UVSSA: variants seen among roughly 807,000 people sequenced by gnomAD.
UVSSA encodes the protein UV-stimulated scaffold protein A.
UVSSA carries 72 observed loss-of-function variants against 73.9 expected under a neutral mutation model. The ratio of observed to expected loss-of-function variants is 0.97; its 90% CI spans 0.81 to 1.19. The LOEUF (loss-of-function observed/expected upper bound fraction) is 1.19. UVSSA is among the 50% of genes most tolerant of loss of function. The pLI is 0.00. For missense variants in UVSSA, 1,150 were observed against 965.0 expected (o/e 1.19, Z -2.54); for synonymous variants, 454 against 391.3 (o/e 1.16, Z -1.89).
At chr4:1,365,462 G>A (rs1230673180) in intron 7 of UVSSA, among the ~76,000 whole-genome samples, 1 of 152,226 alleles carries the variant, frequency 6.6e-6, no homozygotes, top group Non-Finnish European at 1.5e-5. Flanking sequence ...GTGGGCTCAA[G>A]GAACTGGCTT....
chr4:1,372,245 T>C (rs1461294363), intron 8 of UVSSA, among the ~76,000 whole-genome samples: 2 of 152,210 alleles, frequency 1.3e-5, no homozygotes, highest in East Asian at 1.9e-4. Flanking sequence ...AGACATCCAC[T>C]CCAGAGTCTG....
chr4:1,349,613 A>T lies in UVSSA; in HGVS notation c.188A>T (p.Gln63Leu), dbSNP rs1234292538. The T allele has an allele frequency of 3.7e-6, 6 of 1,614,082 alleles. No homozygotes were observed. Among genetic ancestry groups the T allele is most frequent in the Non-Finnish European group, 5.1e-6 (6 of 1,180,006 alleles). The change falls in exon 3 of 14, where the codon CAG becomes CTG. Residue 63 changes from glutamine to leucine, a missense_variant. Gln to Leu is a moderately radical substitution (Grantham distance 113). Coordinates refer to ENST00000389851, the MANE Select transcript of UVSSA (RefSeq NM_020894.4). ...GCCGAGATCCGTCTCTCAGCCTTCC[A>T]GATTGTGGAGGAACTCTTCGTCAGG... ...EHAEIRLSAF[Q>L]IVEELFVRSH...
At chr4:1,347,970 C>A in intron 1 of UVSSA, 120 bp from the exon 2 acceptor site, 1 of 794,806 alleles carries the variant, frequency 1.3e-6, no homozygotes, top group Admixed American at 2.2e-5. Flanking sequence ...CAGATGGACC[C>A]CAGCCTCAGG....
chr4:1,383,999 A>AG (rs1228780735), intron 13 of UVSSA, 59 bp downstream of exon 13: 2 of 1,524,562 alleles, frequency 1.3e-6, no homozygotes, highest in African/African-American at 1.4e-5. Context: ...AGGGTGTTCG[A>AG]GGGGGGCCAT....
At chr4:1,366,645 G>A (rs1412728958) in intron 8 of UVSSA, among the ~76,000 whole-genome samples, 2 of 152,224 alleles carry the variant, frequency 1.3e-5, no homozygotes, top group African/African-American at 2.4e-5. Flanking sequence ...GCTCCGTCTC[G>A]GGTTCTCGGG....
intron 3 of UVSSA, 74 bp from the exon 4 acceptor site, chr4:1,351,641 A>T: frequency 2.7e-6 from 4 of 1,497,496 alleles, no homozygotes; most frequent in Non-Finnish European, 3.7e-6. Context: ...TGCCTGCCTC[A>T]GCCTCCCAAA....
chr4:1,368,404 C>T lies in UVSSA; in HGVS notation c.1288+1973C>T, dbSNP rs141094661. On this transcript the variant is annotated intron_variant, in intron 8 of 13. Coordinates refer to ENST00000389851, the MANE Select transcript of UVSSA (RefSeq NM_020894.4). ...AGCAAGGCCAGAAGCGAAACTCAAA[C>T]GAGGTGACTTTCCCCAAAGAACAGA... 1.5e-3 allele frequency among the ~76,000 whole-genome samples: 228 copies of T among 152,362 alleles called. 1 individual carries two copies. Among genetic ancestry groups the T allele is most frequent in the Middle Eastern group, 6.8e-3 (2 of 294 alleles).
intron 8 of UVSSA, 44 bp from the exon 9 acceptor site, chr4:1,375,320 G>T (rs1325828272): frequency 1.2e-6 from 2 of 1,607,656 alleles, no homozygotes; most frequent in Admixed American, 3.3e-5. Context: ...GTGCCTGGCG[G>T]GTTGTGGGAG....
At chr4:1,394,477 T>A (rs1451344842) in exon 14 of UVSSA, 15 of 1,610,230 alleles carry the variant, frequency 9.3e-6, no homozygotes, top group Non-Finnish European at 1.3e-5. Flanking sequence ...AGTTTTTAAA[T>A]TTCAAATAGC....
Position 1,352,242 on chromosome 4 carries a change from C to T in UVSSA, c.550+407C>T, listed in dbSNP as rs1714885177. Reference sequence around the variant, plus strand: ...CAGTCAGCCTTTCTTGTGAGGGGCACCACGAGAGTGTGAGGAGGGGGTGCC... The same window carrying T: ...CAGTCAGCCTTTCTTGTGAGGGGCATCACGAGAGTGTGAGGAGGGGGTGCC... On this transcript the variant is annotated intron_variant, in intron 4 of 13. Coordinates refer to ENST00000389851, the MANE Select transcript of UVSSA (RefSeq NM_020894.4). Among the ~76,000 whole-genome samples, 8 of 152,220 alleles carry T rather than the reference C, an allele frequency of 5.3e-5. No homozygotes were observed. In the South Asian group the frequency reaches 1.4e-3, roughly 28 times the overall value.
intron 8 of UVSSA, among the ~76,000 whole-genome samples, chr4:1,369,304 C>G (rs890691109): frequency 2.0e-5 from 3 of 152,366 alleles, no homozygotes; most frequent in Admixed American, 6.5e-5. Context: ...CAGAGCTGCC[C>G]TCTGGGGTGC....
intron 4 of UVSSA, among the ~76,000 whole-genome samples, chr4:1,352,583 T>G (rs1239276488): frequency 6.6e-6 from 1 of 152,252 alleles, no homozygotes; most frequent in Admixed American, 6.5e-5. Context: ...GCACTCGTGC[T>G]TGCTACCCAG....
intron 7 of UVSSA, chr4:1,359,121 A>G (rs1438376949): frequency 6.6e-6 from 1 of 152,260 alleles, no homozygotes; most frequent in Non-Finnish European, 1.5e-5. Context: ...CTGTCTTCAG[A>G]AAATACTTAG....
At chr4:1,344,735 CAGTA>C (rs1157455422), upstream of UVSSA, among the ~76,000 whole-genome samples, 4 of 152,256 alleles carry the variant, frequency 2.6e-5, no homozygotes, top group African/African-American at 9.6e-5. Flanking sequence ...CCTAGTAAGA[CAGTA>C]AGTCTGTGTG....
chr4:1,353,231 C>A lies in UVSSA; in HGVS notation c.752C>A (p.Pro251His). The A allele has an allele frequency of 6.2e-7, 1 of 1,612,138 alleles. No individual in the cohort carries two copies. Among genetic ancestry groups the A allele is most frequent in the South Asian group, 1.1e-5 (1 of 91,052 alleles). ...CCTGACCCCCGGGACGGGGAGCAGC[C>A]CTGCTGCAGTAGAGACCTGCCTGCC... is the stretch of plus-strand genomic sequence containing the variant. ...GTPDPRDGEQPCCSRDLPASA... is the reference protein window; with the variant it reads ...GTPDPRDGEQHCCSRDLPASA... The change falls in exon 5 of 14, where the codon CCC becomes CAC. Residue 251 changes from proline to histidine, a missense_variant. By Grantham distance (77) the Pro-to-His change is moderately conservative. Coordinates refer to ENST00000389851, the MANE Select transcript of UVSSA (RefSeq NM_020894.4).
intron 7 of UVSSA, among the ~76,000 whole-genome samples, chr4:1,362,616 G>A (rs896045281): frequency 2.6e-5 from 4 of 152,166 alleles, no homozygotes; most frequent in African/African-American, 9.7e-5. Context: ...GAGCCCCCCC[G>A]CACCGGTGCC....
At chr4:1,343,806 T>C (rs1713514855), upstream of UVSSA, among the ~76,000 whole-genome samples, 1 of 152,192 alleles carries the variant, frequency 6.6e-6, no homozygotes, top group Admixed American at 6.5e-5. Context: ...AAAGTATTTA[T>C]AGAACTTTTC....
chr4:1,377,436 G>T (rs893994395), intron 10 of UVSSA, among the ~76,000 whole-genome samples: 3 of 152,200 alleles, frequency 2.0e-5, no homozygotes, highest in African/African-American at 7.2e-5. Context: ...GCCAGATTAG[G>T]GACAGTGTGA....
chr4:1,395,268 A>C, exon 14 of UVSSA: 1 of 1,559,178 alleles, frequency 6.4e-7, no homozygotes, highest in East Asian at 2.4e-5. Flanking sequence ...CCGCCTGCTC[A>C]CGTGCCGATG....
Sources: gnomAD v4.1 joint callset for allele counts (sites outside exome capture counted in the v4.1 genomes callset) on GRCh38, gnomAD v4.1.1 for gene constraint, MANE v1.5 for transcripts, NCBI Gene and HGNC (gene_info 2026-07-23, HGNC 2026-07-21) for gene names.